Variants in UBE3A observed in about 807,000 individuals in gnomAD.
UBE3A encodes the protein ubiquitin-protein ligase E3A.
UBE3A carries 6 observed loss-of-function variants against 83.4 expected under a neutral mutation model. The ratio of observed to expected loss-of-function variants is 0.07; its 90% confidence interval spans 0.04 to 0.14. The LOEUF is 0.14. Among genes scored for constraint, UBE3A ranks in the 10% least tolerant of loss-of-function variants. The pLI is 1.00. For missense variants in UBE3A, 456 were observed against 1,036.1 expected (o/e 0.44, Z 7.69); for synonymous variants, 337 against 355.4 (o/e 0.95, Z 0.58).
intron 12 of UBE3A, chr15:25,339,835 AAAG>A (rs1258783427): frequency 1.9e-6 from 1 of 513,296 alleles, no homozygotes; most frequent in East Asian, 3.7e-5. Context: ...GGGAATCAAA[AAAG>A]TAAATGAATC....
intron 5 of UBE3A, chr15:25,373,990 A>G (rs1044400355): frequency 3.3e-5 from 5 of 152,222 alleles, no homozygotes; most frequent in African/African-American, 1.2e-4. Context: ...CTACGCAAAA[A>G]CAGTTTGGTG....
intron 4 of UBE3A, among the ~76,000 whole-genome samples, chr15:25,378,689 GT>G (rs1465403610): frequency 6.6e-6 from 1 of 152,068 alleles, no homozygotes; most frequent in Middle Eastern, 3.2e-3. Context: ...TGACTATATT[GT>G]TTTGCAGAAG....
At chr15:25,350,702 A>T (rs1039017082) in intron 11 of UBE3A, among the ~76,000 whole-genome samples, 4 of 147,588 alleles carry the variant, frequency 2.7e-5, no homozygotes, top group Non-Finnish European at 4.6e-5. Context: ...ACCAACAGGT[A>T]AAAAAAAAAC....
At chr15:25,431,926 T>G (rs1347405651) in intron 1 of UBE3A, among the ~76,000 whole-genome samples, 1 of 152,182 alleles carries the variant, frequency 6.6e-6, no homozygotes, top group Non-Finnish European at 1.5e-5. Flanking sequence ...GAAAAATGTA[T>G]TAAGACAATT....
intron 4 of UBE3A, among the ~76,000 whole-genome samples, chr15:25,389,520 T>C (rs958984302): frequency 3.3e-5 from 5 of 152,116 alleles, no homozygotes; most frequent in African/African-American, 1.2e-4. Context: ...CAAAAGACAA[T>C]GTCAAGAGTA....
chr15:25,399,169 T>G (rs1037596601), intron 4 of UBE3A, among the ~76,000 whole-genome samples: 1 of 152,084 alleles, frequency 6.6e-6, no homozygotes, highest in Non-Finnish European at 1.5e-5. Context: ...ATTCTGTAGA[T>G]TTTTTCTTTT....
At chr15:25,341,837 CA>C (rs2152530345) in intron 11 of UBE3A, among the ~76,000 whole-genome samples, 1 of 150,660 alleles carries the variant, frequency 6.6e-6, no homozygotes, top group Admixed American at 6.6e-5. Flanking sequence ...TCACACATCC[CA>C]AACCAGTAAT....
At chr15:25,410,105 G>A (rs2089648117) in intron 2 of UBE3A, among the ~76,000 whole-genome samples, 1 of 151,734 alleles carries the variant, frequency 6.6e-6, no homozygotes, top group Non-Finnish European at 1.5e-5. Context: ...TAACTAACCT[G>A]CACATTGTGC....
At chr15:25,359,285 T>C (rs2077658200) in intron 7 of UBE3A, among the ~76,000 whole-genome samples, 2 of 152,200 alleles carry the variant, frequency 1.3e-5, no homozygotes, top group Non-Finnish European at 1.5e-5. Flanking sequence ...AAGAACTTTA[T>C]GAAGTTTATA....
At chr15:25,365,044 TCCTGG>T (rs1451455491) in intron 6 of UBE3A, among the ~76,000 whole-genome samples, 1 of 152,160 alleles carries the variant, frequency 6.6e-6, no homozygotes, top group Non-Finnish European at 1.5e-5. Context: ...AACAAAAATA[TCCTGG>T]ATATAATCAT....
intron 1 of UBE3A, among the ~76,000 whole-genome samples, chr15:25,420,309 C>A (rs1239868565): frequency 6.6e-6 from 1 of 151,926 alleles, no homozygotes; most frequent in African/African-American, 2.4e-5. Context: ...TCTAACAGTC[C>A]TAAATGTGAA....
At position 25,375,658 on chromosome 15, in the gene UBE3A, A is replaced by T. The variant is rs2081083706; in HGVS notation, c.168T>A (p.Thr56=). The T allele has an allele frequency of 1.9e-6, 3 of 1,614,058 alleles. No homozygotes were observed. The Admixed American group carries it at 5.0e-5, about 27-fold the overall frequency. The change falls in exon 5 of 13, where the codon ACT becomes ACA. Residue 56 remains threonine, a synonymous_variant. Coordinates refer to ENST00000648336, the MANE Select transcript of UBE3A (RefSeq NM_130839.5). ...CTGCATTATTATCCATACGAAGAAA[A>T]GTTGGACAGGAAGCACAAAACTCAT... ...CTNEFCASCP[T]FLRMDNNAAA...
In UBE3A at chr15:25,334,082, AGG is replaced by A; in HGVS notation, c.*5053_*5054del. 6.6e-6 allele frequency: 1 copy of A among 152,140 alleles called. No individual in the cohort carries two copies. The highest frequency in any genetic ancestry group is 1.5e-5 in the Non-Finnish European group (1 of 68,020). 9.4% of individuals were successfully genotyped at this position (152,140 alleles called of 1,614,324 possible). On this transcript the variant is annotated 3_prime_UTR_variant, in exon 13 of 13. Transcript: ENST00000648336. ...TCACTTCTATCCAATATTGTACTGG[AGG>A]TGCTAGCCAGCACACTAAGGCAAGA...
At chr15:25,383,949 C>A (rs1298892777) in intron 4 of UBE3A, among the ~76,000 whole-genome samples, 1 of 151,796 alleles carries the variant, frequency 6.6e-6, no homozygotes, top group Non-Finnish European at 1.5e-5. Context: ...AAAACTCTAG[C>A]CTACCAAAAA....
At chr15:25,428,991 T>C (rs1892236029) in intron 1 of UBE3A, among the ~76,000 whole-genome samples, 1 of 152,176 alleles carries the variant, frequency 6.6e-6, no homozygotes, top group Non-Finnish European at 1.5e-5. Flanking sequence ...ATACATTTTA[T>C]CTATGCATAA....
chr15:25,365,746 TA>T (rs36057934), intron 6 of UBE3A, among the ~76,000 whole-genome samples: 3,449 of 109,398 alleles, frequency 0.032, 126 homozygotes, highest in African/African-American at 0.11. Flanking sequence ...AGACTCCGTC[TA>T]AAAAAAAAAA....
chr15:25,354,640 A>G lies in UBE3A; in HGVS notation c.2168T>C (p.Val723Ala), dbSNP rs1200775881. 1 of 1,613,542 alleles carries G rather than the reference A, an allele frequency of 6.2e-7. No individual in the cohort carries two copies. Among genetic ancestry groups the G allele is most frequent in the East Asian group, 2.2e-5 (1 of 44,824 alleles). ...LYSDYILNKS[V>A]EKQFKAFRRG... ...CCGAAAAGCCTTGAACTGTTTTTCTACTGATTTATTGAGAATGTAGTCAGA... is the reference window on the plus strand; with the variant it reads ...CCGAAAAGCCTTGAACTGTTTTTCTGCTGATTTATTGAGAATGTAGTCAGA... Residue 723 changes from valine (V) to alanine (A), a missense_variant, in exon 10 of 13, where the codon GTA (valine) becomes GCA (alanine). Coordinates refer to ENST00000648336, the MANE Select transcript of UBE3A (RefSeq NM_130839.5).
chr15:25,343,542 GAC>G (rs1400845055), intron 11 of UBE3A, among the ~76,000 whole-genome samples: 1 of 152,010 alleles, frequency 6.6e-6, no homozygotes, highest in Non-Finnish European at 1.5e-5. Flanking sequence ...TTCTACTGAG[GAC>G]AGACTCTAGA....
chr15:25,349,839 C>G (rs968890679), intron 11 of UBE3A, among the ~76,000 whole-genome samples: 3 of 152,140 alleles, frequency 2.0e-5, no homozygotes, highest in Admixed American at 6.5e-5. Flanking sequence ...AACAGTCGAT[C>G]TGATAACCAG....
Sources: allele counts gnomAD v4.1 joint callset (sites outside exome capture counted in the v4.1 genomes callset), GRCh38; gene constraint gnomAD v4.1.1; transcripts MANE v1.5; gene names NCBI Gene and HGNC (gene_info 2026-07-23, HGNC 2026-07-21).